FYN: variants seen among roughly 807,000 people sequenced by gnomAD.
FYN encodes the protein tyrosine-protein kinase Fyn.
Under a neutral mutation model 70.2 loss-of-function variants are expected in FYN, and 10 were observed. The ratio of observed to expected loss-of-function variants is 0.14; its 90% CI spans 0.09 to 0.24. FYN has a LOEUF of 0.24. Among genes scored for constraint, FYN ranks in the 10% least tolerant of loss-of-function variants. The pLI, the probability that FYN is intolerant of heterozygous loss-of-function variation, is 1.00. For synonymous variants in FYN, 236 were observed against 248.6 expected (o/e 0.95, Z 0.48); for missense variants, 319 against 673.1 (o/e 0.47, Z 5.82).
chr6:111,760,722 A>G (rs1163362354), intron 3 of FYN, among the ~76,000 whole-genome samples: 1 of 152,224 alleles, frequency 6.6e-6, no homozygotes, highest in Non-Finnish European at 1.5e-5. Context: ...CTGGAGACAT[A>G]GGCACCCATG....
intron 3 of FYN, among the ~76,000 whole-genome samples, chr6:111,725,148 C>A (rs1801136945): frequency 6.6e-6 from 1 of 152,134 alleles, no homozygotes; most frequent in South Asian, 2.1e-4. Context: ...TTGATCCTCG[C>A]AAAATTAGAA....
intron 3 of FYN, among the ~76,000 whole-genome samples, chr6:111,775,002 C>T (rs904296516): frequency 5.3e-5 from 8 of 152,100 alleles, no homozygotes; most frequent in South Asian, 2.1e-4. Context: ...TACAGGTATG[C>T]GCCACTGCAC....
intron 12 of FYN, among the ~76,000 whole-genome samples, chr6:111,688,148 C>T (rs981005322): frequency 7.2e-5 from 11 of 152,182 alleles, no homozygotes; most frequent in African/African-American, 2.7e-4. Context: ...TTCTTGAATT[C>T]TTACAACCAC....
intron 2 of FYN, among the ~76,000 whole-genome samples, chr6:111,788,704 G>A (rs932504622): frequency 6.6e-6 from 1 of 152,194 alleles, no homozygotes; most frequent in Non-Finnish European, 1.5e-5. Context: ...AAACTTGATT[G>A]TCTGAAAAAT....
intron 3 of FYN, among the ~76,000 whole-genome samples, chr6:111,745,116 G>T (rs938697747): frequency 1.3e-5 from 2 of 152,178 alleles, no homozygotes; most frequent in African/African-American, 4.8e-5. Context: ...GAATGAATGA[G>T]TGAGTGAGTG....
At chr6:111,790,247 TAC>T (rs61565042) in intron 2 of FYN, among the ~76,000 whole-genome samples, 25,039 of 125,312 alleles carry the variant, frequency 0.2, 2,305 homozygotes, top group Non-Finnish European at 0.24. Flanking sequence ...GAACCTTAGA[TAC>T]ACACACACAC....
intron 1 of FYN, among the ~76,000 whole-genome samples, chr6:111,846,966 G>A (rs549535507): frequency 6.6e-6 from 1 of 152,148 alleles, no homozygotes; most frequent in East Asian, 1.9e-4. Context: ...CTTTTTCAGA[G>A]TCTCTACAAG....
chr6:111,754,034 T>C (rs1354620858), intron 3 of FYN, among the ~76,000 whole-genome samples: 1 of 152,204 alleles, frequency 6.6e-6, no homozygotes, highest in Non-Finnish European at 1.5e-5. Context: ...CACTTACCCA[T>C]TCTATCCATT....
chr6:111,850,648 T>A (rs1337744021), intron 1 of FYN, among the ~76,000 whole-genome samples: 2 of 152,208 alleles, frequency 1.3e-5, no homozygotes, highest in Non-Finnish European at 2.9e-5. Flanking sequence ...GGCTGAGACA[T>A]ATACACAGCA....
At chr6:111,784,778 G>A (rs1249103794) in intron 2 of FYN, among the ~76,000 whole-genome samples, 2 of 151,844 alleles carry the variant, frequency 1.3e-5, no homozygotes, top group African/African-American at 4.8e-5. Context: ...TGGGGAAAAG[G>A]AAAAAAAATA....
At chr6:111,662,195 CAT>C (rs1168117504) in intron 13 of FYN, among the ~76,000 whole-genome samples, 2 of 152,170 alleles carry the variant, frequency 1.3e-5, no homozygotes. Flanking sequence ...CAACAGGCAA[CAT>C]ACGGTATGAT....
rs1289142523 is a variant in FYN, at chr6:111,739,824, T to TTTG, written c.-11-19765_-11-19763dup. Among the ~76,000 whole-genome samples the TTTG allele has an allele frequency of 8.5e-5, 13 of 152,266 alleles. No individual in the cohort carries two copies. The East Asian group carries it at 9.6e-4, about 11-fold the overall frequency. Reference sequence around the variant, plus strand: ...GAAAGTTACTGATACTTGACAATCTTTTGTTGTTGTTGTTGTTAAGATGGA... The same window carrying TTTG: ...GAAAGTTACTGATACTTGACAATCTTTTGTTGTTGTTGTTGTTGTTAAGATGGA... On this transcript the variant is annotated intron_variant, in intron 3 of 13. Coordinates refer to ENST00000354650, the MANE Select transcript of FYN (RefSeq NM_002037.5).
chr6:111,680,092 A>G (rs1203436122), intron 12 of FYN, among the ~76,000 whole-genome samples: 4 of 152,180 alleles, frequency 2.6e-5, no homozygotes, highest in Admixed American at 6.5e-5. Flanking sequence ...TAAAGTTAAT[A>G]ATCATCCATG....
chr6:111,762,680 C>G (rs146995210), intron 3 of FYN, among the ~76,000 whole-genome samples: 282 of 152,226 alleles, frequency 1.9e-3, no homozygotes, highest in Admixed American at 4.9e-3. Flanking sequence ...AAAGCTGTGT[C>G]TCTTGTGGGG....
Position 111,694,280 on chromosome 6 carries a change from C to T in FYN, c.1273+95G>A. 6.8e-7 allele frequency: 1 copy of T among 1,471,598 alleles called. No individual in the cohort carries two copies. Among genetic ancestry groups the T allele is most frequent in the Non-Finnish European group, 9.3e-7 (1 of 1,072,168 alleles). The allele number at this position is 1,471,598 out of a possible 1,614,324, so 91.2% of individuals were successfully genotyped here. A position where few individuals can be genotyped will look rare whatever the true frequency, so the allele number is the denominator to read the frequency against. ...TGAAGAATGACATTTCAAGTATTTT[C>T]TGAAGGAAGGGAAGGGAAGGAGGAA... On this transcript the variant is annotated intron_variant, in intron 12 of 13. Coordinates refer to ENST00000354650, the MANE Select transcript of FYN (RefSeq NM_002037.5). This position sits in a 1 kb window ranked among gnomAD's most constrained non-coding sequence, Gnocchi z 5.0.
At chr6:111,714,316 A>G (rs1250288955) in intron 5 of FYN, 31 bp downstream of exon 5, 4 of 1,455,982 alleles carry the variant, frequency 2.7e-6, no homozygotes, top group Non-Finnish European at 3.9e-6. Context: ...CCTGAAAGGT[A>G]TACATGCTTC....
At chr6:111,666,639 C>T (rs368519697) in intron 13 of FYN, among the ~76,000 whole-genome samples, 5 of 152,274 alleles carry the variant, frequency 3.3e-5, no homozygotes, top group East Asian at 1.9e-4. Flanking sequence ...TCGAGACCAG[C>T]GTGGGCAACA....
intron 6 of FYN, among the ~76,000 whole-genome samples, chr6:111,705,837 G>C (rs932310740): frequency 4.6e-5 from 7 of 152,162 alleles, no homozygotes; most frequent in Non-Finnish European, 1.0e-4. Flanking sequence ...GACAGAGTGA[G>C]ACTGTCTCCC....
At chr6:111,866,818 A>G (rs1272626658) in intron 1 of FYN, among the ~76,000 whole-genome samples, 1 of 152,216 alleles carries the variant, frequency 6.6e-6, no homozygotes, top group East Asian at 1.9e-4. Context: ...CCCATGAAAA[A>G]CCGCAAGAGT....
Sources: allele counts gnomAD v4.1 joint callset (sites outside exome capture counted in the v4.1 genomes callset), GRCh38; gene constraint gnomAD v4.1.1; non-coding constraint Gnocchi (gnomAD v3.1); transcripts MANE v1.5; gene names NCBI Gene and HGNC (gene_info 2026-07-23, HGNC 2026-07-21).